KHDRBS2: variants seen among roughly 807,000 people sequenced by gnomAD.
KHDRBS2 encodes KH RNA binding domain containing, signal transduction associated 2, also known as KH domain-containing, RNA-binding, signal transduction-associated protein 2.
A neutral mutation model predicts 44.3 loss-of-function variants in KHDRBS2; 26 were observed. The ratio of observed to expected loss-of-function variants is 0.59; its 90% CI spans 0.43 to 0.81. KHDRBS2 has a LOEUF of 0.81. Among genes scored for constraint, KHDRBS2 ranks in the 40% least tolerant of loss-of-function variants. The probability of loss-of-function intolerance (pLI) is 0.00; values close to 1 mark genes in which losing one functional copy is unlikely to be tolerated. For missense variants in KHDRBS2, 476 were observed against 433.1 expected (o/e 1.10, Z -0.88); for synonymous variants, 194 against 151.1 (o/e 1.28, Z -2.08).
At chr6:61,546,935 G>C in the KHDRBS2 span, among the ~76,000 whole-genome samples, 3 of 152,042 alleles carry the variant, frequency 2.0e-5, no homozygotes, top group African/African-American at 7.3e-5. Flanking sequence ...TCAGAGTCAA[G>C]GGTGACTGGA....
chr6:61,803,859 TA>T (rs1786692010), intron 6 of KHDRBS2, among the ~76,000 whole-genome samples: 2 of 152,012 alleles, frequency 1.3e-5, no homozygotes, highest in Non-Finnish European at 2.9e-5. Context: ...AAGAACAGCA[TA>T]GGGGTATCAG....
At chr6:61,679,590 CAGCCCTCTAA>C, downstream of KHDRBS2, among the ~76,000 whole-genome samples, 1 of 152,076 alleles carries the variant, frequency 6.6e-6, no homozygotes, top group Non-Finnish European at 1.5e-5. Context: ...AAAGAAATAT[CAGCCCTCTAA>C]ACTGCCTTCT....
intron 6 of KHDRBS2, among the ~76,000 whole-genome samples, chr6:61,885,306 TG>T (rs1267077301): frequency 1.3e-5 from 2 of 152,210 alleles, no homozygotes; most frequent in African/African-American, 4.8e-5. Flanking sequence ...AACTCATTGA[TG>T]GTTATGTTAT....
At chr6:61,889,637 T>C (rs1219710441) in intron 6 of KHDRBS2, among the ~76,000 whole-genome samples, 2 of 152,166 alleles carry the variant, frequency 1.3e-5, no homozygotes, top group African/African-American at 4.8e-5. Context: ...AACAGTCTCC[T>C]TGTTTCCACT....
At chr6:62,059,767 T>C (rs1473660366) in intron 2 of KHDRBS2, among the ~76,000 whole-genome samples, 1 of 151,624 alleles carries the variant, frequency 6.6e-6, no homozygotes, top group African/African-American at 2.4e-5. Context: ...TTTCAAGTCA[T>C]GAAATTGCTA....
chr6:61,803,115 C>CTAAA (rs1441967480), intron 6 of KHDRBS2, among the ~76,000 whole-genome samples: 1 of 152,210 alleles, frequency 6.6e-6, no homozygotes, highest in African/African-American at 2.4e-5. Flanking sequence ...GAGTCACAGA[C>CTAAA]TAAATCATGA....
At chr6:62,104,589 T>C (rs1263362956) in intron 2 of KHDRBS2, among the ~76,000 whole-genome samples, 3 of 151,328 alleles carry the variant, frequency 2.0e-5, no homozygotes, top group Admixed American at 2.0e-4. Flanking sequence ...AAAAATGTAT[T>C]CTAAACTGAA....
intron 1 of KHDRBS2, among the ~76,000 whole-genome samples, chr6:62,188,892 T>C (rs1479822416): frequency 6.6e-6 from 1 of 152,078 alleles, no homozygotes; most frequent in South Asian, 2.1e-4. Flanking sequence ...GGCAGGTGGA[T>C]CACTTGAGGT....
At chr6:62,014,836 AATTAC>A (rs1180374672) in intron 3 of KHDRBS2, among the ~76,000 whole-genome samples, 1 of 152,148 alleles carries the variant, frequency 6.6e-6, no homozygotes, top group Non-Finnish European at 1.5e-5. Context: ...ATATTTGATA[AATTAC>A]ATTACATAAG....
intron 1 of KHDRBS2, among the ~76,000 whole-genome samples, chr6:62,197,602 C>T (rs1011129031): frequency 3.5e-4 from 53 of 152,070 alleles, no homozygotes; most frequent in Admixed American, 3.3e-3. Context: ...ACATGAAATC[C>T]CTCTAGTGTG....
chr6:62,049,322 C>CA (rs921117786), intron 2 of KHDRBS2, among the ~76,000 whole-genome samples: 22 of 150,612 alleles, frequency 1.5e-4, no homozygotes, highest in South Asian at 1.0e-3. Context: ...AAAAAGGAAA[C>CA]AAAAAAAAAC....
chr6:61,748,923 G>C (rs754084032), intron 6 of KHDRBS2, among the ~76,000 whole-genome samples: 2 of 151,458 alleles, frequency 1.3e-5, no homozygotes, highest in African/African-American at 4.9e-5. Context: ...AATGTAGCTA[G>C]TGTGACCAAG....
At chr6:61,743,114 G>T (rs545291477) in intron 6 of KHDRBS2, among the ~76,000 whole-genome samples, 1 of 151,920 alleles carries the variant, frequency 6.6e-6, no homozygotes, top group Non-Finnish European at 1.5e-5. Context: ...AACCTCAAGA[G>T]ACATACGTGG....
At chr6:61,668,348 A>T in the KHDRBS2 span, among the ~76,000 whole-genome samples, 1 of 151,080 alleles carries the variant, frequency 6.6e-6, no homozygotes, top group African/African-American at 2.4e-5. Context: ...TTAACAGACA[A>T]GTGAGAGGCT....
intron 4 of KHDRBS2, among the ~76,000 whole-genome samples, chr6:61,931,228 T>A (rs756986347): frequency 6.6e-6 from 1 of 152,006 alleles, no homozygotes; most frequent in Admixed American, 6.6e-5. Context: ...ACATACTACA[T>A]GAAAGGAGCT....
At chr6:61,569,398 T>C in the KHDRBS2 span, among the ~76,000 whole-genome samples, 1 of 152,046 alleles carries the variant, frequency 6.6e-6, no homozygotes, top group Non-Finnish European at 1.5e-5. Context: ...ACTGGAAAAA[T>C]TAGAGCAAGC....
chr6:61,668,640 C>A, the KHDRBS2 span, among the ~76,000 whole-genome samples: 108 of 151,024 alleles, frequency 7.2e-4, 4 homozygotes, highest in South Asian at 0.022. Flanking sequence ...ATTACATTCC[C>A]TAAAGGATGT....
the KHDRBS2 span, among the ~76,000 whole-genome samples, chr6:61,602,065 C>T: frequency 5.2e-4 from 79 of 152,238 alleles, 1 homozygote; most frequent in South Asian, 0.016. Flanking sequence ...GCCCTAGACC[C>T]TAAAAGGTCA....
chr6:61,826,433 A>G (rs9453162), intron 6 of KHDRBS2, among the ~76,000 whole-genome samples: 1 of 152,084 alleles, frequency 6.6e-6, no homozygotes, highest in Non-Finnish European at 1.5e-5. Flanking sequence ...TCTGATAGCC[A>G]GTCTCTCATG....
Sources: allele counts gnomAD v4.1 joint callset (sites outside exome capture counted in the v4.1 genomes callset), GRCh38; gene constraint gnomAD v4.1.1; transcripts MANE v1.5; gene names NCBI Gene and HGNC (gene_info 2026-07-23, HGNC 2026-07-21).